The following KAZN variants were observed in gnomAD, a reference collection of about 807,000 sequenced individuals.
The protein encoded by KAZN is kazrin.
In KAZN, 40 loss-of-function variants were observed where a neutral mutation model predicts 87.4. That is an observed-to-expected ratio of 0.46 (90% CI 0.36 to 0.60). The LOEUF is 0.60. KAZN is among the 20% of genes least tolerant of loss of function. KAZN has a pLI of 0.00. For synonymous variants in KAZN, 466 were observed against 458.3 expected (o/e 1.02, Z -0.22); for missense variants, 898 against 1,073.9 (o/e 0.84, Z 2.29).
chr1:13,938,975 C>A (rs916163933), intron 1 of KAZN, among the ~76,000 whole-genome samples: 3 of 152,190 alleles, frequency 2.0e-5, no homozygotes, highest in South Asian at 2.1e-4. Flanking sequence ...CCAGGCCTTG[C>A]CCACAAAACC....
chr1:14,772,768 C>G (rs1287403285), intron 1 of KAZN, among the ~76,000 whole-genome samples: 1 of 152,126 alleles, frequency 6.6e-6, no homozygotes, highest in Non-Finnish European at 1.5e-5. Context: ...TCCGCTATTT[C>G]TAACCATGGA....
chr1:15,043,886 C>T, intron 3 of KAZN, 103 bp from the exon 4 acceptor site: 1 of 1,176,284 alleles, frequency 8.5e-7, no homozygotes, highest in East Asian at 2.7e-5. Flanking sequence ...CTCGTGACCC[C>T]ACTTCTTTTT....
chr1:14,080,618 G>A (rs548425830), intron 1 of KAZN, among the ~76,000 whole-genome samples: 6 of 152,202 alleles, frequency 3.9e-5, no homozygotes, highest in Admixed American at 3.9e-4. Context: ...TCATTTTGAG[G>A]ATTAAATGAG....
chr1:14,767,033 C>T (rs1331503727), intron 1 of KAZN, among the ~76,000 whole-genome samples: 2 of 151,978 alleles, frequency 1.3e-5, no homozygotes, highest in Non-Finnish European at 2.9e-5. Flanking sequence ...AGATCTCTGC[C>T]CTGGTGCTGA....
chr1:14,877,136 G>A (rs969171092), intron 1 of KAZN, among the ~76,000 whole-genome samples: 1 of 152,222 alleles, frequency 6.6e-6, no homozygotes, highest in African/African-American at 2.4e-5. Context: ...GAGCTCAAGG[G>A]GTGTTCCCCG....
intron 1 of KAZN, among the ~76,000 whole-genome samples, chr1:14,777,684 T>A (rs532456023): frequency 6.6e-6 from 1 of 152,308 alleles, no homozygotes; most frequent in Admixed American, 6.5e-5. Context: ...CTCTGCCTCC[T>A]CATTGTCACT....
At chr1:14,951,940 T>C (rs10927594) in intron 1 of KAZN, among the ~76,000 whole-genome samples, 28,722 of 152,238 alleles carry the variant, frequency 0.19, 2,886 homozygotes, top group Middle Eastern at 0.23. Context: ...TCCTAGGTGC[T>C]GCTGGACCAG....
At chr1:15,023,957 A>T (rs1349022160) in intron 2 of KAZN, among the ~76,000 whole-genome samples, 1 of 152,162 alleles carries the variant, frequency 6.6e-6, no homozygotes, top group Non-Finnish European at 1.5e-5. Flanking sequence ...AGCAACAGGA[A>T]GGCTAAGGCC....
At chr1:14,132,499 C>T (rs1345568494) in intron 1 of KAZN, among the ~76,000 whole-genome samples, 2 of 152,166 alleles carry the variant, frequency 1.3e-5, no homozygotes, top group Admixed American at 6.5e-5. Context: ...ACCTCCATCA[C>T]GGGCTACTTT....
chr1:14,089,421 C>T (rs1203965183), intron 1 of KAZN, among the ~76,000 whole-genome samples: 1 of 151,886 alleles, frequency 6.6e-6, no homozygotes, highest in East Asian at 1.9e-4. Flanking sequence ...TCTATTTTAT[C>T]TTTACTTTAG....
intron 8 of KAZN, among the ~76,000 whole-genome samples, chr1:15,071,450 T>A (rs1639503210): frequency 1.3e-5 from 2 of 152,088 alleles, no homozygotes; most frequent in South Asian, 4.2e-4. Context: ...AGACGGGAGT[T>A]TGCCATGTTG....
chr1:14,924,649 G>A, intron 1 of KAZN: 1 of 841,132 alleles, frequency 1.2e-6, no homozygotes, highest in South Asian at 5.2e-5. Flanking sequence ...GCGCGCGAGG[G>A]CGCTCGGAGC....
At chr1:14,766,669 C>T (rs1217219477) in intron 1 of KAZN, among the ~76,000 whole-genome samples, 1 of 148,502 alleles carries the variant, frequency 6.7e-6, no homozygotes, top group African/African-American at 2.5e-5. Flanking sequence ...CCAGTCCTCC[C>T]CCTGTTGGAG....
chr1:14,013,472 T>C (rs920007836), intron 1 of KAZN, among the ~76,000 whole-genome samples: 9 of 152,124 alleles, frequency 5.9e-5, no homozygotes, highest in African/African-American at 2.2e-4. Context: ...TCTGTTGTGT[T>C]GTTTTGCTTT....
rs372485975 is a variant in KAZN, at chr1:14,462,529, GC to G, written c.250-136452del. Among the ~76,000 whole-genome samples, 15 of 152,234 alleles carry G rather than the reference GC, an allele frequency of 9.9e-5. No homozygotes were observed. In the East Asian group the frequency reaches 2.9e-3, roughly 29 times the overall value. On this transcript the variant is annotated intron_variant, in intron 2 of 16. Transcript: ENST00000636203. ...AAAGTCCTTTTGCTTGGGGGGCTTA[GC>G]CTGGGAGAGTTTTTGGCTTTGACCA...
chr1:14,063,253 T>A (rs9633368), intron 1 of KAZN, among the ~76,000 whole-genome samples: 75,750 of 152,030 alleles, frequency 0.5, 19,349 homozygotes, highest in East Asian at 0.67. Flanking sequence ...GTAATATACA[T>A]CAGTATTTCC....
intron 2 of KAZN, among the ~76,000 whole-genome samples, chr1:14,310,932 A>G (rs11584540): frequency 1.4e-4 from 22 of 152,320 alleles, no homozygotes; most frequent in Non-Finnish European, 2.2e-4. Flanking sequence ...ACAATGAACT[A>G]TGTTGGTTTG....
intron 2 of KAZN, among the ~76,000 whole-genome samples, chr1:14,319,696 G>A (rs1325946160): frequency 6.6e-6 from 1 of 152,154 alleles, no homozygotes; most frequent in Non-Finnish European, 1.5e-5. Flanking sequence ...CAGCCATGAG[G>A]CTTGCCTTGT....
chr1:14,101,247 C>T (rs1159595), intron 1 of KAZN, among the ~76,000 whole-genome samples: 21,925 of 152,244 alleles, frequency 0.14, 2,146 homozygotes, highest in Middle Eastern at 0.26. Context: ...CTGCACAGCT[C>T]ATAACCACTG....
Sources: allele counts gnomAD v4.1 joint callset (sites outside exome capture counted in the v4.1 genomes callset), GRCh38; gene constraint gnomAD v4.1.1; transcripts MANE v1.5; gene names NCBI Gene and HGNC (gene_info 2026-07-23, HGNC 2026-07-21).